The following DIP2C variants were observed in gnomAD, a reference collection of about 807,000 sequenced individuals.
The protein encoded by DIP2C is DIP2 acetate--CoA ligase C (putative), also known as disco-interacting protein 2 homolog C.
DIP2C carries 33 observed loss-of-function variants against 192.4 expected under a neutral mutation model. The ratio of observed to expected loss-of-function variants is 0.17; its 90% CI spans 0.13 to 0.23. The LOEUF is 0.23. Among genes scored for constraint, DIP2C ranks in the 10% least tolerant of loss-of-function variants. The pLI is 1.00. For synonymous variants in DIP2C, 979 were observed against 864.1 expected (o/e 1.13, Z -2.33); for missense variants, 1,537 against 2,110.1 (o/e 0.73, Z 5.32).
intron 3 of DIP2C, among the ~76,000 whole-genome samples, chr10:452,706 G>T (rs1024778544): frequency 2.0e-5 from 3 of 152,180 alleles, no homozygotes; most frequent in Non-Finnish European, 2.9e-5. Flanking sequence ...AGCACAGCCG[G>T]GTGGCTCTGC....
intron 4 of DIP2C, among the ~76,000 whole-genome samples, chr10:439,155 G>T: frequency 6.6e-6 from 1 of 152,124 alleles, no homozygotes; most frequent in East Asian, 1.9e-4. Context: ...CCCTAATTAC[G>T]TGCTGTTGCT....
rs548534597 is a variant in DIP2C, at chr10:383,936, A to T, written c.1876+91T>A. ...GAATGAAACCTGGGGAAAAAATAAAAAAGACTTCACAGCCTGCCTGCCTCA... is the reference window on the plus strand; with the variant it reads ...GAATGAAACCTGGGGAAAAAATAAATAAGACTTCACAGCCTGCCTGCCTCA... On this transcript the variant is annotated intron_variant, in intron 16 of 36. Coordinates refer to ENST00000280886, the MANE Select transcript of DIP2C (RefSeq NM_014974.3). 10 of 1,397,558 alleles carry T rather than the reference A, an allele frequency of 7.2e-6. 1 individual carries two copies. In the South Asian group the frequency reaches 1.7e-4, roughly 23 times the overall value. 86.6% of individuals were successfully genotyped at this position (1,397,558 alleles called of 1,614,324 possible).
intron 17 of DIP2C, 183 bp from the exon 18 acceptor site, chr10:369,816 C>CA: frequency 7.7e-7 from 1 of 1,298,602 alleles, no homozygotes; most frequent in Non-Finnish European, 1.1e-6. Context: ...GAACAGCTGG[C>CA]AGCGAGTCTA....
chr10:643,162 G>T (rs1390296675), intron 1 of DIP2C, among the ~76,000 whole-genome samples: 11 of 146,702 alleles, frequency 7.5e-5, no homozygotes, highest in Non-Finnish European at 7.4e-5. Flanking sequence ...AGGTTGCAGT[G>T]ACCCAAGATC....
chr10:464,807 G>C (rs189708932), intron 3 of DIP2C, among the ~76,000 whole-genome samples: 2 of 152,008 alleles, frequency 1.3e-5, no homozygotes, highest in Non-Finnish European at 2.9e-5. Context: ...TACATTCCTC[G>C]ACACATACTC....
intron 8 of DIP2C, among the ~76,000 whole-genome samples, chr10:411,472 C>G (rs1965181862): frequency 6.6e-6 from 1 of 152,128 alleles, no homozygotes; most frequent in Non-Finnish European, 1.5e-5. Flanking sequence ...GTTACTGATC[C>G]CAAGTTTATC....
At chr10:507,105 A>C (rs540844707) in intron 1 of DIP2C, among the ~76,000 whole-genome samples, 4 of 151,654 alleles carry the variant, frequency 2.6e-5, no homozygotes, top group African/African-American at 9.7e-5. Context: ...GCACGATGAG[A>C]GGTATGCGAG....
intron 1 of DIP2C, among the ~76,000 whole-genome samples, chr10:530,595 GTTGC>G (rs1456104081): frequency 1.4e-5 from 2 of 145,590 alleles, no homozygotes; most frequent in African/African-American, 5.1e-5. Flanking sequence ...AGGTGGGAGG[GTTGC>G]TTGAGGCCAG....
intron 31 of DIP2C, among the ~76,000 whole-genome samples, chr10:320,568 G>C (rs992056397): frequency 8.6e-5 from 13 of 151,754 alleles, no homozygotes; most frequent in Admixed American, 2.0e-4. Context: ...ACATCCAGAA[G>C]TGACTGTGAT....
intron 31 of DIP2C, among the ~76,000 whole-genome samples, chr10:312,312 CT>C (rs1337337434): frequency 6.6e-6 from 1 of 152,214 alleles, no homozygotes; most frequent in Non-Finnish European, 1.5e-5. Context: ...CTTGGGCAAG[CT>C]CCTTGGATGC....
At chr10:608,141 AGCCCCCCCACACACACCCC>A (rs1165667797) in intron 1 of DIP2C, among the ~76,000 whole-genome samples, 48 of 84,836 alleles carry the variant, frequency 5.7e-4, no homozygotes, top group African/African-American at 4.3e-3. Flanking sequence ...ACACACACAC[AGCCCCCCCACACACACCCC>A]CACAGCCCCC....
intron 1 of DIP2C, among the ~76,000 whole-genome samples, chr10:596,903 G>A (rs959623247): frequency 2.6e-5 from 4 of 152,228 alleles, no homozygotes; most frequent in Admixed American, 6.5e-5. Flanking sequence ...TGAGCAATGC[G>A]CATAGTGACG....
chr10:394,512 A>G (rs1035222523), intron 10 of DIP2C, among the ~76,000 whole-genome samples: 5 of 151,414 alleles, frequency 3.3e-5, no homozygotes, highest in African/African-American at 4.9e-5. Context: ...AGTGGGCGCT[A>G]TTCAGCCTTC....
intron 1 of DIP2C, among the ~76,000 whole-genome samples, chr10:596,803 G>T (rs997370101): frequency 6.6e-6 from 1 of 152,190 alleles, no homozygotes; most frequent in African/African-American, 2.4e-5. Context: ...CCTGAGCTGG[G>T]GTGGTGGGGA....
chr10:485,361 G>A (rs1230021934), intron 2 of DIP2C, among the ~76,000 whole-genome samples: 3 of 152,202 alleles, frequency 2.0e-5, no homozygotes, highest in Non-Finnish European at 4.4e-5. Context: ...GATCTACCCA[G>A]CACTGCCCTG....
At chr10:439,589 A>G (rs1302262929) in intron 4 of DIP2C, among the ~76,000 whole-genome samples, 1 of 152,158 alleles carries the variant, frequency 6.6e-6, no homozygotes, top group Non-Finnish European at 1.5e-5. Context: ...ATGACACTGA[A>G]TTCTGACCGT....
chr10:360,327 A>G (rs1959307794), intron 22 of DIP2C, among the ~76,000 whole-genome samples: 1 of 152,266 alleles, frequency 6.6e-6, no homozygotes, highest in African/African-American at 2.4e-5. Context: ...GCATGTCCCA[A>G]ATGCCCCCAG....
chr10:621,123 G>T (rs1198652292), intron 1 of DIP2C, among the ~76,000 whole-genome samples: 1 of 152,146 alleles, frequency 6.6e-6, no homozygotes, highest in Non-Finnish European at 1.5e-5. Flanking sequence ...GACCCAAGGG[G>T]CCACTGACGG....
intron 9 of DIP2C, among the ~76,000 whole-genome samples, chr10:399,599 C>T (rs1326256474): frequency 1.3e-5 from 2 of 152,226 alleles, no homozygotes; most frequent in African/African-American, 4.8e-5. Context: ...CAGGACTCAG[C>T]TCAGATCCCA....
Sources: gnomAD v4.1 joint callset for allele counts (sites outside exome capture counted in the v4.1 genomes callset) on GRCh38, gnomAD v4.1.1 for gene constraint, MANE v1.5 for transcripts, NCBI Gene and HGNC (gene_info 2026-07-23, HGNC 2026-07-21) for gene names.